FAT3: variants seen among roughly 807,000 people sequenced by gnomAD.
The protein encoded by FAT3 is protocadherin Fat 3.
Under a neutral mutation model 310.2 loss-of-function variants are expected in FAT3, and 95 were observed. That is an observed-to-expected ratio of 0.31 (90% CI 0.26 to 0.36). The LOEUF (loss-of-function observed/expected upper bound fraction) is 0.36, where lower values mean the gene tolerates loss of function less well. Ranked by LOEUF, FAT3 falls within the 10% of genes least tolerant of loss-of-function variation. FAT3 has a pLI of 1.00. For missense variants in FAT3, 5,408 were observed against 5,715.6 expected (o/e 0.95, Z 1.74); for synonymous variants, 2,314 against 2,192.9 (o/e 1.06, Z -1.54).
intron 1 of FAT3, among the ~76,000 whole-genome samples, chr11:92,347,152 A>C (rs890629911): frequency 6.6e-6 from 1 of 152,180 alleles, no homozygotes; most frequent in East Asian, 1.9e-4. Context: ...ATAGGATTCA[A>C]ATGCAGGCAG....
chr11:92,336,341 G>C, intron 1 of FAT3: 1 of 415,926 alleles, frequency 2.4e-6, no homozygotes, highest in South Asian at 2.0e-5. Context: ...GCCAATGTAC[G>C]GTCAGTTCCG....
chr11:92,769,918 T>G (rs1275500448), intron 6 of FAT3, among the ~76,000 whole-genome samples: 2 of 152,212 alleles, frequency 1.3e-5, no homozygotes, highest in African/African-American at 4.8e-5. Context: ...ATGAATGAAG[T>G]AGGCCCATTG....
At chr11:92,563,597 G>C (rs921007896) in intron 3 of FAT3, among the ~76,000 whole-genome samples, 1 of 152,058 alleles carries the variant, frequency 6.6e-6, no homozygotes, top group African/African-American at 2.4e-5. Flanking sequence ...AGAAATTCTT[G>C]AGACTGAATT....
intron 3 of FAT3, among the ~76,000 whole-genome samples, chr11:92,557,324 C>T (rs1955057261): frequency 6.6e-6 from 1 of 152,108 alleles, no homozygotes; most frequent in South Asian, 2.1e-4. Flanking sequence ...CCAGGATTCC[C>T]CTGCACCTGT....
intron 3 of FAT3, among the ~76,000 whole-genome samples, chr11:92,624,070 T>C (rs1941214721): frequency 6.6e-6 from 1 of 152,122 alleles, no homozygotes; most frequent in East Asian, 1.9e-4. Context: ...TGACCTCTGC[T>C]CCCAGGGAAC....
chr11:92,242,521 G>A (rs1317589336), intron 1 of FAT3, among the ~76,000 whole-genome samples: 2 of 151,830 alleles, frequency 1.3e-5, no homozygotes, highest in Non-Finnish European at 2.9e-5. Context: ...ATGTTCTCAG[G>A]AGCCTATTAT....
chr11:92,395,424 G>T (rs1243884876), intron 2 of FAT3, among the ~76,000 whole-genome samples: 2 of 152,070 alleles, frequency 1.3e-5, no homozygotes, highest in Non-Finnish European at 2.9e-5. Flanking sequence ...ATGCAATTAT[G>T]CCCAGGTCTT....
At chr11:92,516,538 A>C (rs1953491061) in intron 2 of FAT3, among the ~76,000 whole-genome samples, 2 of 152,176 alleles carry the variant, frequency 1.3e-5, no homozygotes, top group African/African-American at 4.8e-5. Context: ...TATCATACTG[A>C]ATGGGCAAAA....
intron 3 of FAT3, among the ~76,000 whole-genome samples, chr11:92,652,651 G>T (rs1942421607): frequency 6.6e-6 from 1 of 152,178 alleles, no homozygotes; most frequent in African/African-American, 2.4e-5. Flanking sequence ...CTGCTCCTCA[G>T]AAACCGGCGA....
intron 19 of FAT3, among the ~76,000 whole-genome samples, chr11:92,846,074 A>G (rs983633230): frequency 6.6e-6 from 1 of 152,226 alleles, no homozygotes; most frequent in African/African-American, 2.4e-5. Context: ...ACCAACATGC[A>G]GAATTTATGA....
At chr11:92,325,727 GTTCAAT>G (rs1947745298) in intron 1 of FAT3, among the ~76,000 whole-genome samples, 1 of 152,170 alleles carries the variant, frequency 6.6e-6, no homozygotes. Context: ...CACCTCCTGA[GTTCAAT>G]TGATTCTCCT....
intron 4 of FAT3, among the ~76,000 whole-genome samples, chr11:92,733,070 G>A (rs545300833): frequency 6.6e-6 from 1 of 152,322 alleles, no homozygotes; most frequent in African/African-American, 2.4e-5. Context: ...GGAGCCTAGA[G>A]AGGAGGGAAG....
chr11:92,481,807 T>C (rs1342033791), intron 2 of FAT3, among the ~76,000 whole-genome samples: 1 of 152,220 alleles, frequency 6.6e-6, no homozygotes, highest in Non-Finnish European at 1.5e-5. Flanking sequence ...GCAAAAAGAC[T>C]ATTCGGAATA....
chr11:92,869,853 G>T (rs1278033423), intron 22 of FAT3, among the ~76,000 whole-genome samples: 3 of 152,290 alleles, frequency 2.0e-5, no homozygotes, highest in African/African-American at 7.2e-5. Context: ...TGCCAGGGAA[G>T]TCTAATCACA....
chr11:92,804,010 G>C (rs1431521892), intron 10 of FAT3, among the ~76,000 whole-genome samples: 1 of 152,182 alleles, frequency 6.6e-6, no homozygotes, highest in Non-Finnish European at 1.5e-5. Flanking sequence ...TCTTCAGTAG[G>C]ACCCCGATAT....
intron 1 of FAT3, among the ~76,000 whole-genome samples, chr11:92,314,965 G>T (rs1947398504): frequency 6.6e-6 from 1 of 151,902 alleles, no homozygotes; most frequent in Non-Finnish European, 1.5e-5. Context: ...TTGGGTATGT[G>T]GCATGGTACC....
intron 1 of FAT3, among the ~76,000 whole-genome samples, chr11:92,241,181 T>C (rs1175412076): frequency 6.6e-6 from 1 of 152,106 alleles, no homozygotes; most frequent in Admixed American, 6.6e-5. Context: ...TACTGAGCTA[T>C]CCTGGGTGTT....
chr11:92,880,645 G>T, intron 22 of FAT3, 86 bp from the exon 23 acceptor site: 1 of 1,445,502 alleles, frequency 6.9e-7, no homozygotes. Flanking sequence ...GTTCAACAAA[G>T]AATTAGGAGG....
At chr11:92,889,765 A>G in intron 26 of FAT3, 91 bp from the exon 27 acceptor site, 6 of 709,096 alleles carry the variant, frequency 8.5e-6, no homozygotes, top group Non-Finnish European at 1.6e-5. Context: ...CTTTAGGAGT[A>G]TGTTTTTAAA....
Sources: gnomAD v4.1 joint callset for allele counts (sites outside exome capture counted in the v4.1 genomes callset) on GRCh38, gnomAD v4.1.1 for gene constraint, MANE v1.5 for transcripts, NCBI Gene and HGNC (gene_info 2026-07-23, HGNC 2026-07-21) for gene names.